Variants in EPB41L3 observed in about 807,000 individuals in gnomAD.
The protein encoded by EPB41L3 is band 4.1-like protein 3.
Under a neutral mutation model 127.1 loss-of-function variants are expected in EPB41L3, and 57 were observed. That is an observed-to-expected ratio of 0.45 (90% CI 0.36 to 0.56). The LOEUF (loss-of-function observed/expected upper bound fraction) is 0.56, where lower values mean the gene tolerates loss of function less well. Among genes scored for constraint, EPB41L3 ranks in the 20% least tolerant of loss-of-function variants. The probability of loss-of-function intolerance (pLI) is 0.00; values close to 1 mark genes in which losing one functional copy is unlikely to be tolerated. For missense variants in EPB41L3, 1,273 were observed against 1,372.2 expected (o/e 0.93, Z 1.14); for synonymous variants, 572 against 549.5 (o/e 1.04, Z -0.57).
chr18:5,528,742 T>C (rs374347464), intron 1 of EPB41L3, among the ~76,000 whole-genome samples: 2 of 151,938 alleles, frequency 1.3e-5, no homozygotes, highest in East Asian at 3.9e-4. Flanking sequence ...GGATTACAGG[T>C]ACCCACCATC....
chr18:5,456,806 C>G (rs180989050), intron 3 of EPB41L3, among the ~76,000 whole-genome samples: 2 of 152,344 alleles, frequency 1.3e-5, no homozygotes, highest in Admixed American at 1.3e-4. Context: ...TTTGCCCAGC[C>G]GTTCCCACTC....
intron 3 of EPB41L3, among the ~76,000 whole-genome samples, chr18:5,606,281 A>G (rs1174507022): frequency 6.6e-6 from 1 of 152,234 alleles, no homozygotes; most frequent in Non-Finnish European, 1.5e-5. Context: ...GGTGGGTTAT[A>G]TCGATAACAT....
intron 3 of EPB41L3, among the ~76,000 whole-genome samples, chr18:5,461,656 T>C (rs1005527798): frequency 6.6e-6 from 1 of 152,188 alleles, no homozygotes; most frequent in Non-Finnish European, 1.5e-5. Flanking sequence ...CACTAGGCAA[T>C]GCTAACAAAA....
At chr18:5,410,352 G>T (rs1440712346) in intron 14 of EPB41L3, among the ~76,000 whole-genome samples, 2 of 152,118 alleles carry the variant, frequency 1.3e-5, no homozygotes, top group Non-Finnish European at 2.9e-5. Context: ...TTCTGAATGA[G>T]AAACATGAGG....
chr18:5,488,582 G>GATAATAATAATAATA (rs765331687), intron 2 of EPB41L3, among the ~76,000 whole-genome samples: 7 of 148,904 alleles, frequency 4.7e-5, no homozygotes, highest in East Asian at 4.0e-4. Context: ...TGATGATGAT[G>GATAATAATAATAATA]ATAATAATAA....
At chr18:5,521,811 G>T (rs940232295) in intron 1 of EPB41L3, among the ~76,000 whole-genome samples, 5 of 152,164 alleles carry the variant, frequency 3.3e-5, no homozygotes, top group African/African-American at 1.2e-4. Context: ...ATAGAAAAGT[G>T]CCTGGCATAT....
intron 3 of EPB41L3, among the ~76,000 whole-genome samples, chr18:5,449,504 G>A (rs1009724179): frequency 2.0e-5 from 3 of 152,134 alleles, no homozygotes; most frequent in African/African-American, 7.2e-5. Flanking sequence ...GAAAACGTAT[G>A]TCCACTCAAA....
intron 3 of EPB41L3, among the ~76,000 whole-genome samples, chr18:5,573,009 G>A (rs543020478): frequency 2.0e-5 from 3 of 152,328 alleles, no homozygotes; most frequent in Non-Finnish European, 2.9e-5. Context: ...CCAGGAGGGT[G>A]CAGAAGAGGG....
intron 3 of EPB41L3, among the ~76,000 whole-genome samples, chr18:5,593,781 G>A (rs1379314117): frequency 1.3e-5 from 2 of 152,174 alleles, no homozygotes; most frequent in African/African-American, 4.8e-5. Flanking sequence ...ACCTTCAGGG[G>A]CGCATTCTCT....
At chr18:5,627,911 CAA>C (rs2094940048) in intron 1 of EPB41L3, among the ~76,000 whole-genome samples, 2 of 152,186 alleles carry the variant, frequency 1.3e-5, no homozygotes, top group African/African-American at 4.8e-5. Flanking sequence ...TAATAGTTAA[CAA>C]GAGAGGCTCT....
In EPB41L3 at chr18:5,397,488, C is replaced by G. The variant is rs2073760419; in HGVS notation, c.2473-62G>C. 1 of 1,514,432 alleles carries G rather than the reference C, an allele frequency of 6.6e-7. No homozygotes were observed. The highest frequency in any genetic ancestry group is 1.4e-5 in the African/African-American group (1 of 71,936). 93.8% of individuals were successfully genotyped at this position (1,514,432 alleles called of 1,614,324 possible). A position where few individuals can be genotyped will look rare whatever the true frequency, so the allele number is the denominator to read the frequency against. On this transcript the variant is annotated intron_variant, in intron 17 of 22. Transcript: ENST00000341928. This position sits in a 1 kb window ranked among gnomAD's most constrained non-coding sequence, Gnocchi z 4.1. Reference sequence around the variant, plus strand: ...CCATAAACCAAAGGTCAGAAAATAACTAAAGCTGCCACTCGCCAGGATGTC... The same window carrying G: ...CCATAAACCAAAGGTCAGAAAATAAGTAAAGCTGCCACTCGCCAGGATGTC...
chr18:5,560,966 TA>T, intron 3 of EPB41L3, among the ~76,000 whole-genome samples: 1 of 143,820 alleles, frequency 7.0e-6, no homozygotes, highest in Non-Finnish European at 1.5e-5. Flanking sequence ...TTTATTTATT[TA>T]TTTATTTATT....
chr18:5,503,428 C>A (rs900781000), intron 1 of EPB41L3, among the ~76,000 whole-genome samples: 2 of 152,178 alleles, frequency 1.3e-5, no homozygotes, highest in African/African-American at 4.8e-5. Flanking sequence ...CCACAGCACA[C>A]ATGCCTGGGT....
At chr18:5,551,332 T>C (rs11662284) in intron 3 of EPB41L3, among the ~76,000 whole-genome samples, 7,988 of 152,260 alleles carry the variant, frequency 0.052, 297 homozygotes, top group Non-Finnish European at 0.074. Flanking sequence ...TCAATATTCA[T>C]TGAAATATTC....
Position 5,564,908 on chromosome 18 carries a change from C to T in EPB41L3, c.-306+47432G>A, listed in dbSNP as rs555065043. Among the ~76,000 whole-genome samples, 11 of 152,166 alleles carry T rather than the reference C, an allele frequency of 7.2e-5. No homozygotes were observed. In the East Asian group the frequency reaches 1.9e-3, roughly 27 times the overall value. ...ACAGATACCAGAACTCTACCTGATT[C>T]GGCTTTTTAAATATAATGGTAGCAT... is the stretch of plus-strand genomic sequence containing the variant. On this transcript the variant is annotated intron_variant, in intron 3 of 21. Transcript: ENST00000545076.
intron 3 of EPB41L3, among the ~76,000 whole-genome samples, chr18:5,573,316 G>C (rs762770782): frequency 3.3e-5 from 5 of 152,294 alleles, no homozygotes; most frequent in Non-Finnish European, 7.4e-5. Context: ...ACAGAAGTAA[G>C]AGAACAGCTT....
At chr18:5,399,982 T>C (rs76292729) in intron 16 of EPB41L3, 7,879 of 152,504 alleles carry the variant, frequency 0.052, 275 homozygotes, top group Middle Eastern at 0.11. Context: ...TTAGAGCCTC[T>C]TACAGTGATC....
At chr18:5,560,333 A>C (rs541862159) in intron 3 of EPB41L3, among the ~76,000 whole-genome samples, 14 of 152,232 alleles carry the variant, frequency 9.2e-5, no homozygotes, top group Non-Finnish European at 1.3e-4. Flanking sequence ...ATCTAGATTC[A>C]GCAACTTTAA....
At chr18:5,495,822 A>G (rs2091117876) in intron 1 of EPB41L3, among the ~76,000 whole-genome samples, 1 of 152,230 alleles carries the variant, frequency 6.6e-6, no homozygotes, top group African/African-American at 2.4e-5. Context: ...CTGTTCTAAA[A>G]TTCCAAAATT....
Sources: gnomAD v4.1 joint callset for allele counts (sites outside exome capture counted in the v4.1 genomes callset) on GRCh38, gnomAD v4.1.1 for gene constraint, Gnocchi (gnomAD v3.1) non-coding constraint, MANE v1.5 for transcripts, NCBI Gene and HGNC (gene_info 2026-07-23, HGNC 2026-07-21) for gene names.